Variants in BFSP1 observed in about 807,000 individuals in gnomAD.
The protein encoded by BFSP1 is beaded filament structural protein 1, also known as filensin.
Under a neutral mutation model 43.9 loss-of-function variants are expected in BFSP1, and 38 were observed. The observed-to-expected ratio is 0.87, with a 90% confidence interval of 0.67 to 1.14. The LOEUF is 1.14. BFSP1 is among the 50% of genes most tolerant of loss of function. BFSP1 has a pLI of 0.00. For synonymous variants in BFSP1, 352 were observed against 354.8 expected (o/e 0.99, Z 0.09); for missense variants, 850 against 875.1 (o/e 0.97, Z 0.36).
chr20:17,566,065 C>G (rs970087647), intron 1 of BFSP1, among the ~76,000 whole-genome samples: 2 of 138,184 alleles, frequency 1.4e-5, no homozygotes, highest in Non-Finnish European at 3.0e-5. Context: ...TTGCAGTGAG[C>G]TGACATCCTG....
At chr20:17,495,068 C>T (rs745534638) in intron 7 of BFSP1, 39 bp from the exon 8 acceptor site, 29 of 1,543,248 alleles carry the variant, frequency 1.9e-5, no homozygotes, top group Non-Finnish European at 2.1e-5. Context: ...GTATAATTGT[C>T]ACTGAGAGAG....
chr20:17,565,049 T>C (rs28367515), intron 1 of BFSP1, among the ~76,000 whole-genome samples: 3,375 of 151,514 alleles, frequency 0.022, 108 homozygotes, highest in African/African-American at 0.077. Context: ...CTTGAACCCC[T>C]AACAAAGTAA....
At chr20:17,554,658 A>T (rs1443722242) in intron 1 of BFSP1, among the ~76,000 whole-genome samples, 1 of 152,234 alleles carries the variant, frequency 6.6e-6, no homozygotes, top group Non-Finnish European at 1.5e-5. Flanking sequence ...CAGATGATGG[A>T]ATATTAGATG....
At chr20:17,528,995 C>G (rs900802429) in intron 1 of BFSP1, among the ~76,000 whole-genome samples, 6 of 151,956 alleles carry the variant, frequency 3.9e-5, no homozygotes, top group Non-Finnish European at 8.8e-5. Flanking sequence ...CAGGGTAGAG[C>G]CTAGACATCT....
intron 1 of BFSP1, among the ~76,000 whole-genome samples, chr20:17,557,563 A>G (rs1345652405): frequency 6.6e-6 from 1 of 152,202 alleles, no homozygotes; most frequent in Non-Finnish European, 1.5e-5. Flanking sequence ...GGTTGCCGGC[A>G]TGACCCAGCT....
At chr20:17,537,276 C>G (rs1260199118) in intron 1 of BFSP1, among the ~76,000 whole-genome samples, 9 of 152,302 alleles carry the variant, frequency 5.9e-5, no homozygotes, top group African/African-American at 2.2e-4. Context: ...CCCTGGCTCC[C>G]GGATCCCTAC....
chr20:17,564,416 A>G (rs2035097435), intron 1 of BFSP1, among the ~76,000 whole-genome samples: 1 of 152,000 alleles, frequency 6.6e-6, no homozygotes, highest in African/African-American at 2.4e-5. Context: ...TCAAGTCAAT[A>G]TAACAAATCT....
chr20:17,520,218 A>T (rs2269050), intron 2 of BFSP1, among the ~76,000 whole-genome samples: 5 of 118,320 alleles, frequency 4.2e-5, no homozygotes, highest in African/African-American at 5.8e-5. Flanking sequence ...GTGCCCCCCC[A>T]CCCCGCCCAC....
At chr20:17,517,031 G>C (rs1568694332) in intron 2 of BFSP1, 2 of 869,238 alleles carry the variant, frequency 2.3e-6, no homozygotes, top group East Asian at 4.8e-5. Context: ...ACATTCAAAA[G>C]GAGTCTACTC....
chr20:17,535,767 C>T (rs572476073), upstream of BFSP1, among the ~76,000 whole-genome samples: 14 of 152,236 alleles, frequency 9.2e-5, no homozygotes, highest in African/African-American at 3.4e-4. Context: ...AAAGTGTGAT[C>T]ACCTTTGCAG....
chr20:17,545,239 C>A (rs2034780505), intron 1 of BFSP1, among the ~76,000 whole-genome samples: 1 of 152,054 alleles, frequency 6.6e-6, no homozygotes, highest in South Asian at 2.1e-4. Context: ...AGCATTGACA[C>A]TGGGGGTAGG....
At chr20:17,558,916 A>G in exon 1 of BFSP1, 1 of 453,092 alleles carries the variant, frequency 2.2e-6, no homozygotes. Flanking sequence ...AGGATAGAGA[A>G]TATAAATGAG....
At chr20:17,522,644 C>A (rs570192731) in intron 2 of BFSP1, among the ~76,000 whole-genome samples, 1 of 152,320 alleles carries the variant, frequency 6.6e-6, no homozygotes, top group South Asian at 2.1e-4. Flanking sequence ...GGGTTCTGCA[C>A]CCACACTGTG....
chr20:17,568,013 G>T (rs1194031629), intron 1 of BFSP1, among the ~76,000 whole-genome samples: 1 of 151,868 alleles, frequency 6.6e-6, no homozygotes, highest in Non-Finnish European at 1.5e-5. Context: ...GAAGTCTTCA[G>T]ATGCGAAGGG....
In BFSP1 at chr20:17,509,140, T is replaced by C. The variant is rs1402845044; in HGVS notation, c.628-144A>G. The C allele has an allele frequency of 8.4e-6, 5 of 598,256 alleles. No homozygotes were observed. In the Admixed American group the frequency reaches 1.2e-4, roughly 14 times the overall value. 37.1% of individuals were successfully genotyped at this position (598,256 alleles called of 1,614,324 possible). A position where few individuals can be genotyped will look rare whatever the true frequency, so the allele number is the denominator to read the frequency against. On this transcript the variant is annotated intron_variant, in intron 4 of 7. Transcript: ENST00000377873. ...CCTAACTAACTCCCAAGATGAAGGT[T>C]TTAGGAGACCTTTGGAAGGTGTTAG...
intron 4 of BFSP1, 41 bp downstream of exon 4, chr20:17,511,935 C>A: frequency 6.5e-7 from 1 of 1,528,594 alleles, no homozygotes; most frequent in Non-Finnish European, 9.1e-7. Context: ...GGTACAGCTT[C>A]CCTCCAGGGC....
chr20:17,532,220 C>T (rs951420153), upstream of BFSP1, among the ~76,000 whole-genome samples: 2 of 151,890 alleles, frequency 1.3e-5, no homozygotes, highest in Admixed American at 1.3e-4. Context: ...GCCTGGCCAA[C>T]ATGGTGAAAC....
rs1559956 is a variant in BFSP1 at position 17,512,110 on chromosome 20, C to T, written c.535-42G>A. 386,353 of 1,517,274 alleles carry T rather than the reference C, an allele frequency of 0.25. 53,766 individuals carry two copies. The highest frequency in any genetic ancestry group is 0.55 in the African/African-American group (39,654 of 72,730). 94.0% of individuals were successfully genotyped at this position (1,517,274 alleles called of 1,614,324 possible). ...AACATTCTCATTATAAGTTGAGCTG[C>T]GCTGGTTTTTCCTTCTAGTACTAGA... On this transcript the variant is annotated intron_variant, in intron 3 of 7. Coordinates refer to ENST00000377873, the MANE Select transcript of BFSP1 (RefSeq NM_001195.5).
At chr20:17,504,717 G>C (rs918476440) in intron 5 of BFSP1, among the ~76,000 whole-genome samples, 5 of 152,192 alleles carry the variant, frequency 3.3e-5, no homozygotes, top group African/African-American at 1.2e-4. Flanking sequence ...GTGGCAACCT[G>C]AACTTTATCC....
Sources: gnomAD v4.1 joint callset for allele counts (sites outside exome capture counted in the v4.1 genomes callset) on GRCh38, gnomAD v4.1.1 for gene constraint, MANE v1.5 for transcripts, NCBI Gene and HGNC (gene_info 2026-07-23, HGNC 2026-07-21) for gene names.